HPSE2: variants seen among roughly 807,000 people sequenced by gnomAD.
HPSE2 encodes heparanase 2 (inactive).
In HPSE2, 38 loss-of-function variants were observed where a neutral mutation model predicts 60.5. The ratio of observed to expected loss-of-function variants is 0.63; its 90% CI spans 0.48 to 0.82. HPSE2 has a LOEUF of 0.82. Among genes scored for constraint, HPSE2 ranks in the 40% least tolerant of loss-of-function variants. HPSE2 has a pLI of 0.00. For missense variants in HPSE2, 713 were observed against 740.4 expected (o/e 0.96, Z 0.43); for synonymous variants, 295 against 293.2 (o/e 1.01, Z -0.06).
chr10:99,183,351 G>C (rs1847851623), intron 2 of HPSE2, among the ~76,000 whole-genome samples: 4 of 152,290 alleles, frequency 2.6e-5, no homozygotes, highest in Middle Eastern at 3.4e-3. Flanking sequence ...GGCAAGGAAA[G>C]TAACATAAAT....
intron 6 of HPSE2, among the ~76,000 whole-genome samples, chr10:98,692,685 C>T (rs984539802): frequency 6.6e-4 from 100 of 152,208 alleles, no homozygotes; most frequent in Admixed American, 1.5e-3. Context: ...AGGAGATTGG[C>T]GTGAACCCAG....
At chr10:98,859,178 ATTTG>A (rs1691132936) in intron 3 of HPSE2, among the ~76,000 whole-genome samples, 1 of 152,192 alleles carries the variant, frequency 6.6e-6, no homozygotes, top group Admixed American at 6.5e-5. Flanking sequence ...CGCCATGCTT[ATTTG>A]TTTATGTATT....
At chr10:98,688,470 T>TC (rs1479786506) in intron 6 of HPSE2, among the ~76,000 whole-genome samples, 1 of 126,870 alleles carries the variant, frequency 7.9e-6, no homozygotes, top group Non-Finnish European at 1.6e-5. Flanking sequence ...CATTTCTTTT[T>TC]TTTTTTCTTT....
chr10:99,255,561 CAT>C, the HPSE2 span, among the ~76,000 whole-genome samples: 2 of 79,840 alleles, frequency 2.5e-5, no homozygotes, highest in South Asian at 5.4e-4. Flanking sequence ...CGCATGCACA[CAT>C]ACACACACAC....
At chr10:99,178,590 T>C (rs1421544993) in intron 2 of HPSE2, among the ~76,000 whole-genome samples, 1 of 152,114 alleles carries the variant, frequency 6.6e-6, no homozygotes, top group Non-Finnish European at 1.5e-5. Context: ...AATCCCTGAA[T>C]AGACTAATAA....
intron 3 of HPSE2, among the ~76,000 whole-genome samples, chr10:99,137,855 G>A (rs113012011): frequency 0.02 from 3,096 of 152,050 alleles, 47 homozygotes; most frequent in Middle Eastern, 0.041. Context: ...TCTAAAACAC[G>A]AAAAGCACTG....
chr10:98,475,578 T>TCCCC (rs1236247495), intron 11 of HPSE2, among the ~76,000 whole-genome samples: 19 of 98,998 alleles, frequency 1.9e-4, no homozygotes, highest in African/African-American at 9.2e-4. Context: ...GTTGGCATCT[T>TCCCC]TCCCTCTGAG....
At chr10:98,907,935 C>G (rs1953869379) in intron 3 of HPSE2, among the ~76,000 whole-genome samples, 1 of 152,216 alleles carries the variant, frequency 6.6e-6, no homozygotes, top group Admixed American at 6.5e-5. Flanking sequence ...TGTAGTTAAG[C>G]TTATTTGATA....
At chr10:99,302,107 G>A in the HPSE2 span, among the ~76,000 whole-genome samples, 6 of 151,938 alleles carry the variant, frequency 3.9e-5, no homozygotes, top group African/African-American at 1.5e-4. Context: ...AAAAGGGTGG[G>A]TTATGCAGCA....
chr10:99,170,016 G>A (rs1847247290), intron 2 of HPSE2, among the ~76,000 whole-genome samples: 1 of 152,180 alleles, frequency 6.6e-6, no homozygotes, highest in Non-Finnish European at 1.5e-5. Flanking sequence ...ATGGCTGTGT[G>A]CCAATAAAAC....
intron 9 of HPSE2, among the ~76,000 whole-genome samples, chr10:98,548,893 T>C (rs1012785430): frequency 1.3e-5 from 2 of 152,168 alleles, no homozygotes; most frequent in Non-Finnish European, 2.9e-5. Context: ...TTTCAATTCA[T>C]CTTTTACTAG....
At chr10:98,789,339 A>C (rs1480156652) in intron 3 of HPSE2, among the ~76,000 whole-genome samples, 2 of 152,250 alleles carry the variant, frequency 1.3e-5, no homozygotes, top group Non-Finnish European at 2.9e-5. Context: ...AGTTGAAATC[A>C]TAAGAATGAG....
At chr10:98,524,765 T>C (rs1355281375) in intron 9 of HPSE2, among the ~76,000 whole-genome samples, 1 of 152,248 alleles carries the variant, frequency 6.6e-6, no homozygotes, top group Non-Finnish European at 1.5e-5. Flanking sequence ...GTGTGTATTA[T>C]ACAAGCTGTG....
chr10:98,541,183 C>T (rs894320402), intron 9 of HPSE2, among the ~76,000 whole-genome samples: 1 of 152,188 alleles, frequency 6.6e-6, no homozygotes, highest in Non-Finnish European at 1.5e-5. Flanking sequence ...TATACTGCAA[C>T]TCTAGTGTTT....
At chr10:98,760,070 T>C (rs1365643547) in intron 3 of HPSE2, among the ~76,000 whole-genome samples, 2 of 152,076 alleles carry the variant, frequency 1.3e-5, no homozygotes, top group Non-Finnish European at 2.9e-5. Flanking sequence ...AAAAATATCA[T>C]TTTCAGATAG....
At chr10:98,874,689 G>A (rs886746366) in intron 3 of HPSE2, among the ~76,000 whole-genome samples, 1 of 151,884 alleles carries the variant, frequency 6.6e-6, no homozygotes, top group Non-Finnish European at 1.5e-5. Context: ...GTCTTGTGCC[G>A]GTTTTCAAAG....
chr10:98,812,822 TC>T (rs1420277949), intron 3 of HPSE2, among the ~76,000 whole-genome samples: 3 of 152,166 alleles, frequency 2.0e-5, no homozygotes, highest in Non-Finnish European at 4.4e-5. Flanking sequence ...TTCTTTTTTT[TC>T]CATAAAAGCT....
intron 3 of HPSE2, among the ~76,000 whole-genome samples, chr10:98,796,441 G>A (rs1950782161): frequency 6.6e-6 from 1 of 152,228 alleles, no homozygotes; most frequent in Non-Finnish European, 1.5e-5. Context: ...TCCTCTGCCT[G>A]TGAAAAGCGG....
chr10:98,613,461 C>A (rs1228765659), intron 9 of HPSE2, among the ~76,000 whole-genome samples: 1 of 152,162 alleles, frequency 6.6e-6, no homozygotes, highest in South Asian at 2.1e-4. Context: ...GAGTCATGTA[C>A]ACCAAGTGAT....
Sources: allele counts gnomAD v4.1 joint callset (sites outside exome capture counted in the v4.1 genomes callset), GRCh38; gene constraint gnomAD v4.1.1; transcripts MANE v1.5; gene names NCBI Gene and HGNC (gene_info 2026-07-23, HGNC 2026-07-21).